The following HVCN1 variants were observed in gnomAD, a reference collection of about 807,000 sequenced individuals.
HVCN1 encodes voltage-gated hydrogen channel 1.
Under a neutral mutation model 29.2 loss-of-function variants are expected in HVCN1, and 14 were observed. The observed-to-expected ratio is 0.48, with a 90% CI of 0.32 to 0.75. The LOEUF (loss-of-function observed/expected upper bound fraction) is 0.75, where lower values mean the gene tolerates loss of function less well. Among genes scored for constraint, HVCN1 ranks in the 30% least tolerant of loss-of-function variants. The pLI is 0.04. For missense variants in HVCN1, 263 were observed against 341.8 expected (o/e 0.77, Z 1.82); for synonymous variants, 131 against 133.2 (o/e 0.98, Z 0.11).
At chr12:110,652,361 AGCCTGGGT>A (rs2136247506) in intron 5 of HVCN1, among the ~76,000 whole-genome samples, 1 of 152,382 alleles carries the variant, frequency 6.6e-6, no homozygotes, top group South Asian at 2.1e-4. Flanking sequence ...ACTGCACTCC[AGCCTGGGT>A]GACAAGTGAG....
chr12:110,689,530 CCCA>C (rs1397655187), upstream of HVCN1: 1 of 153,220 alleles, frequency 6.5e-6, no homozygotes, highest in African/African-American at 2.4e-5. This position sits in a 1 kb window ranked among gnomAD's most constrained non-coding sequence, Gnocchi z 5.7. Context: ...TCTGCTCCAT[CCCA>C]CCGTCTCCGG....
At chr12:110,692,237 C>G (rs1274504744), upstream of HVCN1, among the ~76,000 whole-genome samples, 1 of 152,128 alleles carries the variant, frequency 6.6e-6, no homozygotes, top group Non-Finnish European at 1.5e-5. Context: ...AATACAAAGA[C>G]TGAAAAGAGA....
intron 7 of HVCN1, among the ~76,000 whole-genome samples, 167 bp downstream of exon 7, chr12:110,650,001 A>T (rs1398380469): frequency 6.6e-6 from 1 of 152,154 alleles, no homozygotes; most frequent in Non-Finnish European, 1.5e-5. Context: ...ATGTGCCACC[A>T]TGCACAGCTA....
chr12:110,651,533 G>T, intron 5 of HVCN1, 85 bp from the exon 6 acceptor site: 2 of 840,826 alleles, frequency 2.4e-6, no homozygotes, highest in Non-Finnish European at 2.0e-6. Flanking sequence ...CTGGTCACCA[G>T]CAAGAGAATT....
rs1165465415 is a variant in HVCN1 at position 110,658,418 on chromosome 12, C to T, written c.306+2746G>A. On this transcript the variant is annotated intron_variant, in intron 4 of 7. Transcript: ENST00000242607. The surrounding 1 kb of genome is among the most constrained non-coding windows in gnomAD (Gnocchi z 5.0). ...ACACTTAGAGCTTTCAAAGGCAGCC[C>T]ATGACCCGTGGATGACCTTCCCTGG... Among the ~76,000 whole-genome samples, 1 of 152,112 alleles carries T rather than the reference C, an allele frequency of 6.6e-6. No individual in the cohort carries two copies. The highest frequency in any genetic ancestry group is 6.5e-5 in the Admixed American group (1 of 15,274).
intron 3 of HVCN1, among the ~76,000 whole-genome samples, chr12:110,669,390 C>T (rs749670084): frequency 2.9e-4 from 44 of 152,264 alleles, no homozygotes; most frequent in Middle Eastern, 3.4e-3. Flanking sequence ...GCAGCGACCT[C>T]CATGCCCACA....
Position 110,661,541 on chromosome 12 carries a change from T to G in HVCN1, c.22-93A>C, listed in dbSNP as rs1162064909. The G allele has an allele frequency of 8.2e-7, 1 of 1,216,806 alleles. No homozygotes were observed. The highest frequency in any genetic ancestry group is 1.2e-6 in the Non-Finnish European group (1 of 865,376). The allele number at this position is 1,216,806 out of a possible 1,614,324, so 75.4% of individuals were successfully genotyped here. ...CGGGCCAGGCCACTGCAGGTGAAGA[T>G]GGTCCCGGGTGCGTAGAACCCCCTG... On this transcript the variant is annotated intron_variant, in intron 3 of 7. Transcript: ENST00000242607. This position sits in a 1 kb window ranked among gnomAD's most constrained non-coding sequence, Gnocchi z 6.2.
intron 2 of HVCN1, among the ~76,000 whole-genome samples, chr12:110,697,703 T>C (rs2069514802): frequency 6.7e-6 from 1 of 150,096 alleles, no homozygotes; most frequent in Non-Finnish European, 1.5e-5. Context: ...CAGGCTGCAG[T>C]GCGGTGGCAC....
At chr12:110,663,456 G>A (rs976375027) in intron 3 of HVCN1, among the ~76,000 whole-genome samples, 1 of 151,536 alleles carries the variant, frequency 6.6e-6, no homozygotes, top group African/African-American at 2.4e-5. Flanking sequence ...AAAAAAATTA[G>A]CCAGGCATGG....
chr12:110,681,808 A>G (rs1367851595), intron 3 of HVCN1, among the ~76,000 whole-genome samples: 1 of 152,100 alleles, frequency 6.6e-6, no homozygotes, highest in Non-Finnish European at 1.5e-5. Flanking sequence ...CAAGATGAAC[A>G]GCTGATGTGA....
At chr12:110,685,255 T>G (rs914345465) in intron 2 of HVCN1, among the ~76,000 whole-genome samples, 2 of 152,044 alleles carry the variant, frequency 1.3e-5, no homozygotes, top group Non-Finnish European at 2.9e-5. Flanking sequence ...GAAGATTCAG[T>G]GCTTTAAAGA....
chr12:110,660,439 G>T (rs1337632481), intron 4 of HVCN1, among the ~76,000 whole-genome samples: 1 of 152,248 alleles, frequency 6.6e-6, no homozygotes, highest in Non-Finnish European at 1.5e-5. Context: ...CCACAAGAGA[G>T]ACTGAGGCCC....
At chr12:110,699,543 G>A (rs1332389097) in intron 2 of HVCN1, among the ~76,000 whole-genome samples, 2 of 152,138 alleles carry the variant, frequency 1.3e-5, no homozygotes, top group African/African-American at 4.8e-5. Context: ...GCCCAGTCCA[G>A]GAGCTGAGGG....
intron 3 of HVCN1, among the ~76,000 whole-genome samples, chr12:110,664,744 T>C (rs2068286217): frequency 6.6e-6 from 1 of 151,930 alleles, no homozygotes; most frequent in South Asian, 2.1e-4. Context: ...GTACCAGAAA[T>C]AGGAAAGGTA....
upstream of HVCN1, among the ~76,000 whole-genome samples, chr12:110,692,315 G>A (rs192124638): frequency 2.3e-3 from 343 of 152,312 alleles, no homozygotes; most frequent in Middle Eastern, 3.4e-3. Flanking sequence ...AGACTAACAC[G>A]TGACCACCTA....
rs1265967192 is a variant in HVCN1, at chr12:110,650,175, G to C, written c.749C>G (p.Ser250Cys). Residue 250 changes from serine to cysteine, a missense_variant, in exon 7 of 8, where the codon TCT becomes TGT. Coordinates refer to ENST00000242607, the MANE Select transcript of HVCN1 (RefSeq NM_032369.4). ...ATGTGTCGTCTTTCTTACCTTCTCA[G>C]AGCAGCTGAACTCAAGGTGTTGAAT... ...AKIQHLEFSC[S>C]EKEQEIERLN... 6.2e-7 allele frequency: 1 copy of C among 1,606,574 alleles called. No homozygotes were observed.
chr12:110,671,996 G>A (rs540513043), intron 3 of HVCN1, among the ~76,000 whole-genome samples: 1 of 152,296 alleles, frequency 6.6e-6, no homozygotes, highest in African/African-American at 2.4e-5. Flanking sequence ...CAGCTGTTGG[G>A]CATGTAAATG....
At chr12:110,693,401 G>A (rs1298217806), upstream of HVCN1, among the ~76,000 whole-genome samples, 4 of 151,996 alleles carry the variant, frequency 2.6e-5, no homozygotes, top group East Asian at 1.9e-4. Context: ...AAAATTAGCC[G>A]GGTGTGGTAG....
At chr12:110,659,279 A>C (rs1338656147) in intron 4 of HVCN1, among the ~76,000 whole-genome samples, 1 of 152,128 alleles carries the variant, frequency 6.6e-6, no homozygotes, top group African/African-American at 2.4e-5. Flanking sequence ...CTTCCAGAAG[A>C]GGGACAGGCT....
Sources: gnomAD v4.1 joint callset for allele counts (sites outside exome capture counted in the v4.1 genomes callset) on GRCh38, gnomAD v4.1.1 for gene constraint, Gnocchi (gnomAD v3.1) non-coding constraint, MANE v1.5 for transcripts, NCBI Gene and HGNC (gene_info 2026-07-23, HGNC 2026-07-21) for gene names.